The following GABRB1 variants were observed in gnomAD, a reference collection of about 807,000 sequenced individuals.
The protein encoded by GABRB1 is gamma-aminobutyric acid receptor subunit beta-1.
GABRB1 carries 17 observed loss-of-function variants against 51.6 expected under a neutral mutation model. The observed-to-expected ratio is 0.33, with a 90% CI of 0.23 to 0.49. The LOEUF (loss-of-function observed/expected upper bound fraction) is 0.49. Ranked by LOEUF, GABRB1 falls within the 20% of genes least tolerant of loss-of-function variation. The pLI is 0.99. For missense variants in GABRB1, 410 were observed against 600.6 expected (o/e 0.68, Z 3.32); for synonymous variants, 247 against 218.9 (o/e 1.13, Z -1.14).
chr4:47,005,731 A>T, intron 1 of GABRB1, among the ~76,000 whole-genome samples: 1 of 146,566 alleles, frequency 6.8e-6, no homozygotes, highest in Non-Finnish European at 1.5e-5. Context: ...CTCTAAAATT[A>T]GGAACCAGTG....
chr4:47,134,969 A>T (rs1224926203), intron 3 of GABRB1, among the ~76,000 whole-genome samples: 1 of 152,090 alleles, frequency 6.6e-6, no homozygotes, highest in African/African-American at 2.4e-5. Flanking sequence ...AAATAAAATA[A>T]AATAAAATTA....
At chr4:47,087,536 ACTTT>A (rs1044582688) in intron 3 of GABRB1, among the ~76,000 whole-genome samples, 4 of 144,350 alleles carry the variant, frequency 2.8e-5, no homozygotes, top group Admixed American at 1.4e-4. Flanking sequence ...CCCCGTTAGC[ACTTT>A]CTTTTTTTTT....
At chr4:47,079,744 A>G (rs1727742068) in intron 3 of GABRB1, among the ~76,000 whole-genome samples, 1 of 151,008 alleles carries the variant, frequency 6.6e-6, no homozygotes, top group Non-Finnish European at 1.5e-5. Flanking sequence ...AAACTATCGC[A>G]AGGACAAAAA....
At chr4:47,375,607 TATA>T (rs1727349349) in intron 5 of GABRB1, among the ~76,000 whole-genome samples, 1 of 152,206 alleles carries the variant, frequency 6.6e-6, no homozygotes, top group Non-Finnish European at 1.5e-5. Flanking sequence ...TCTATCATCT[TATA>T]GCAGCACCAT....
intron 5 of GABRB1, among the ~76,000 whole-genome samples, chr4:47,354,991 T>TTTTTTG (rs1560348618): frequency 1.2e-4 from 16 of 135,482 alleles, no homozygotes; most frequent in African/African-American, 3.9e-4. Flanking sequence ...TTTTTTTTTT[T>TTTTTTG]TTTTTTTTTT....
chr4:47,211,711 C>T (rs1212213282), intron 4 of GABRB1, among the ~76,000 whole-genome samples: 1 of 152,196 alleles, frequency 6.6e-6, no homozygotes, highest in Non-Finnish European at 1.5e-5. Context: ...ACCAGTTTCA[C>T]TGTGCTAAAG....
At chr4:47,350,946 A>G (rs1578114424) in intron 5 of GABRB1, among the ~76,000 whole-genome samples, 1 of 152,338 alleles carries the variant, frequency 6.6e-6, no homozygotes, top group East Asian at 1.9e-4. Flanking sequence ...AATTTCCTCA[A>G]TAATGGTTTG....
chr4:47,058,078 C>T (rs1726696327), intron 3 of GABRB1, among the ~76,000 whole-genome samples: 1 of 152,142 alleles, frequency 6.6e-6, no homozygotes, highest in Non-Finnish European at 1.5e-5. Context: ...GAAGAGGCTG[C>T]ACAGAGTTGT....
At chr4:47,009,896 T>C (rs1724536944) in intron 1 of GABRB1, among the ~76,000 whole-genome samples, 1 of 152,216 alleles carries the variant, frequency 6.6e-6, no homozygotes, top group Admixed American at 6.5e-5. Flanking sequence ...AACTGAAAGT[T>C]TCATCCAAAT....
At chr4:47,183,111 G>T (rs1719023867) in intron 4 of GABRB1, among the ~76,000 whole-genome samples, 1 of 151,384 alleles carries the variant, frequency 6.6e-6, no homozygotes, top group Non-Finnish European at 1.5e-5. Context: ...CATTCAGTAG[G>T]GTGTTTCGTT....
intron 3 of GABRB1, among the ~76,000 whole-genome samples, chr4:47,092,971 C>T (rs1714157652): frequency 6.6e-6 from 1 of 152,096 alleles, no homozygotes; most frequent in Non-Finnish European, 1.5e-5. Context: ...TGTGTTATTT[C>T]AAATAATGAT....
chr4:47,100,688 A>C (rs1320990795), intron 3 of GABRB1, among the ~76,000 whole-genome samples: 1 of 151,978 alleles, frequency 6.6e-6, no homozygotes. Flanking sequence ...AAGGGGAATA[A>C]ATTTAAAAAT....
chr4:47,017,547 T>C (rs555196619), intron 1 of GABRB1, among the ~76,000 whole-genome samples: 60 of 152,096 alleles, frequency 3.9e-4, no homozygotes, highest in African/African-American at 1.4e-3. Context: ...AAGAAACACA[T>C]TGGAAACAAA....
chr4:47,281,169 A>G (rs116577336), intron 4 of GABRB1, among the ~76,000 whole-genome samples: 3 of 152,326 alleles, frequency 2.0e-5, no homozygotes, highest in Admixed American at 6.5e-5. Context: ...AATGTCCAAA[A>G]TATATAAAGA....
chr4:47,378,198 G>A (rs1456898735), intron 5 of GABRB1, among the ~76,000 whole-genome samples: 5 of 152,206 alleles, frequency 3.3e-5, no homozygotes, highest in African/African-American at 7.2e-5. Flanking sequence ...CCTGCCCCGC[G>A]GGAAGGCAGC....
intron 1 of GABRB1, among the ~76,000 whole-genome samples, chr4:47,004,141 A>T (rs1724313216): frequency 6.6e-6 from 1 of 151,962 alleles, no homozygotes; most frequent in Non-Finnish European, 1.5e-5. Flanking sequence ...GGCGCGTCCC[A>T]CCAAGCCTGT....
intron 5 of GABRB1, among the ~76,000 whole-genome samples, chr4:47,340,420 G>A (rs2109986365): frequency 6.6e-6 from 1 of 152,104 alleles, no homozygotes; most frequent in Non-Finnish European, 1.5e-5. Context: ...ATTTGCGCTG[G>A]TATAATATGA....
chr4:47,167,350 G>A (rs1447385411), intron 4 of GABRB1, among the ~76,000 whole-genome samples: 1 of 151,902 alleles, frequency 6.6e-6, no homozygotes, highest in Non-Finnish European at 1.5e-5. Flanking sequence ...CCTGAAAATG[G>A]CAGGCACGGA....
chr4:47,007,734 C>A (rs1242506870), intron 1 of GABRB1, among the ~76,000 whole-genome samples: 1 of 151,654 alleles, frequency 6.6e-6, no homozygotes, highest in Non-Finnish European at 1.5e-5. Context: ...GAGAATCTTT[C>A]CAGAGAATGA....
Sources: gnomAD v4.1 joint callset for allele counts (sites outside exome capture counted in the v4.1 genomes callset) on GRCh38, gnomAD v4.1.1 for gene constraint, MANE v1.5 for transcripts, NCBI Gene and HGNC (gene_info 2026-07-23, HGNC 2026-07-21) for gene names.